LAMB4: variants seen among roughly 807,000 people sequenced by gnomAD.
LAMB4 encodes the protein laminin subunit beta-4.
A neutral mutation model predicts 199.2 loss-of-function variants in LAMB4; 196 were observed. The observed-to-expected ratio is 0.98, with a 90% CI of 0.88 to 1.11. LAMB4 has a LOEUF of 1.11. LAMB4 is among the 50% of genes least tolerant of loss of function. The pLI, the probability that LAMB4 is intolerant of heterozygous loss-of-function variation, is 0.00. For missense variants in LAMB4, 2,080 were observed against 2,171.2 expected (o/e 0.96, Z 0.83); for synonymous variants, 744 against 770.6 (o/e 0.97, Z 0.57).
At chr7:108,072,903 G>C (rs77978391) in intron 17 of LAMB4, among the ~76,000 whole-genome samples, 1 of 152,214 alleles carries the variant, frequency 6.6e-6, no homozygotes, top group Non-Finnish European at 1.5e-5. Context: ...TTGGGGATGA[G>C]GGCAGCCAAC....
intron 14 of LAMB4, among the ~76,000 whole-genome samples, chr7:108,086,759 T>C (rs73197603): frequency 0.028 from 4,211 of 152,268 alleles, 137 homozygotes; most frequent in East Asian, 0.14. Context: ...AAGCAAGGTT[T>C]CTCAGAGTGC....
At chr7:108,013,912 G>A in the LAMB4 span, among the ~76,000 whole-genome samples, 1 of 152,154 alleles carries the variant, frequency 6.6e-6, no homozygotes, top group African/African-American at 2.4e-5. Context: ...AAAAGGGTAT[G>A]TGTGGTTGTA....
chr7:108,040,728 C>T (rs535847144), intron 29 of LAMB4, among the ~76,000 whole-genome samples: 1 of 152,222 alleles, frequency 6.6e-6, no homozygotes, highest in South Asian at 2.1e-4. Flanking sequence ...TGAAACTGGA[C>T]CCCCTCCTTA....
At chr7:108,023,213 A>C (rs1262550321), downstream of LAMB4, among the ~76,000 whole-genome samples, 1 of 152,240 alleles carries the variant, frequency 6.6e-6, no homozygotes, top group East Asian at 1.9e-4. Context: ...TTATTCAAAA[A>C]TGTGAAACCA....
intron 29 of LAMB4, among the ~76,000 whole-genome samples, chr7:108,039,760 T>C (rs950409405): frequency 3.3e-5 from 5 of 152,168 alleles, no homozygotes; most frequent in African/African-American, 1.2e-4. Context: ...TGAGCCTCCA[T>C]GCCCGGCCAG....
chr7:108,113,352 G>T (rs2038298100), intron 3 of LAMB4, among the ~76,000 whole-genome samples: 1 of 152,288 alleles, frequency 6.6e-6, no homozygotes, highest in East Asian at 1.9e-4. Context: ...GTACATAGTA[G>T]ATGTTCAGTA....
chr7:108,040,275 G>A (rs1202409037), intron 29 of LAMB4, among the ~76,000 whole-genome samples: 1 of 151,976 alleles, frequency 6.6e-6, no homozygotes, highest in Non-Finnish European at 1.5e-5. Context: ...TCAAACAAAT[G>A]GAAAAAGATT....
intron 2 of LAMB4, among the ~76,000 whole-genome samples, chr7:108,120,947 A>G (rs1017514393): frequency 6.6e-6 from 1 of 152,224 alleles, no homozygotes; most frequent in Non-Finnish European, 1.5e-5. Flanking sequence ...CTGTAACATT[A>G]TAAGTGCAAA....
chr7:108,106,612 G>A, intron 6 of LAMB4, 40 bp from the exon 7 acceptor site: 1 of 1,116,658 alleles, frequency 9.0e-7, no homozygotes, highest in Non-Finnish European at 1.3e-6. Flanking sequence ...TATATTACCT[G>A]AAAACGTAAT....
Position 108,048,087 on chromosome 7 carries a change from G to T in LAMB4, c.4147C>A (p.Pro1383Thr). The T allele has an allele frequency of 6.2e-7, 1 of 1,612,874 alleles. No homozygotes were observed. ...EKVCGDPGNV[P>T]CVPLPCGGAL... Reference sequence around the variant, plus strand: ...CCGCCACAGGGCAAGGGCACACATGGCACATTTCCTGGATCTCCGCACACC... The same window carrying T: ...CCGCCACAGGGCAAGGGCACACATGTCACATTTCCTGGATCTCCGCACACC... The change falls in exon 28 of 34, where the codon CCA becomes ACA. Residue 1383 changes from proline (P) to threonine (T), a missense_variant. Physicochemically the swap from Pro to Thr is conservative, Grantham distance 38. Transcript: ENST00000388781.
the LAMB4 span, among the ~76,000 whole-genome samples, chr7:108,016,839 A>C: frequency 0.017 from 2,608 of 152,328 alleles, 30 homozygotes; most frequent in South Asian, 0.033. Flanking sequence ...TAACAGTACT[A>C]AAGATTAGAT....
chr7:108,110,259 G>C (rs1461458435), intron 4 of LAMB4, among the ~76,000 whole-genome samples: 1 of 152,110 alleles, frequency 6.6e-6, no homozygotes, highest in Non-Finnish European at 1.5e-5. Flanking sequence ...AAACTCCTGA[G>C]CTCAAGTGAT....
chr7:108,125,534 T>C (rs1389596450), intron 1 of LAMB4, among the ~76,000 whole-genome samples: 1 of 152,212 alleles, frequency 6.6e-6, no homozygotes, highest in East Asian at 1.9e-4. Context: ...CTTGTAATGA[T>C]CTAGGCTCTG....
intron 2 of LAMB4, among the ~76,000 whole-genome samples, chr7:108,119,448 A>G (rs1279635741): frequency 6.6e-6 from 1 of 152,218 alleles, no homozygotes; most frequent in Non-Finnish European, 1.5e-5. Context: ...TAGCAAAAAA[A>G]AGTAGTGAAC....
chr7:108,035,665 C>A (rs1187156938), intron 30 of LAMB4, among the ~76,000 whole-genome samples: 9 of 148,278 alleles, frequency 6.1e-5, no homozygotes, highest in Admixed American at 1.3e-4. Flanking sequence ...AGTAATCTTG[C>A]CATCTTTTAA....
rs1489420677 is a variant in LAMB4, at chr7:108,119,639, T to C, written c.35-3478A>G. On this transcript the variant is annotated intron_variant, in intron 2 of 33. Coordinates refer to ENST00000388781, the MANE Select transcript of LAMB4 (RefSeq NM_007356.3). ...AGGGGGAGGGAGGTGGATGTGGCTA[T>C]AAAAGGGTAGTACTAGGGATCCTTG... Among the ~76,000 whole-genome samples, 3 of 152,134 alleles carry C rather than the reference T, an allele frequency of 2.0e-5. No homozygotes were observed. In the East Asian group the frequency reaches 5.8e-4, roughly 29 times the overall value.
At chr7:108,016,249 AT>A in the LAMB4 span, among the ~76,000 whole-genome samples, 21 of 140,630 alleles carry the variant, frequency 1.5e-4, no homozygotes, top group African/African-American at 5.6e-4. Context: ...GGACGAGGGA[AT>A]TTTTCAAATC....
At position 108,095,307 on chromosome 7, in the gene LAMB4, G is replaced by T; in HGVS notation, c.1391C>A (p.Pro464Gln). 6.2e-7 allele frequency: 1 copy of T among 1,613,910 alleles called. No homozygotes were observed. The highest frequency in any genetic ancestry group is 8.5e-7 in the Non-Finnish European group (1 of 1,179,932). ...TGTATCCACATCACAGGTCAAGAATGGCAGACTCCCAAGGGGGTTACAGTC... is the reference window on the plus strand; with the variant it reads ...TGTATCCACATCACAGGTCAAGAATTGCAGACTCCCAAGGGGGTTACAGTC... ...PCDCNPLGSL[P>Q]FLTCDVDTGQ... Residue 464 changes from proline (P) to glutamine (Q), a missense_variant, in exon 12 of 34, where the codon CCA (proline) becomes CAA (glutamine). Coordinates refer to ENST00000388781, the MANE Select transcript of LAMB4 (RefSeq NM_007356.3).
chr7:108,109,806 T>G (rs1392405382), intron 4 of LAMB4, among the ~76,000 whole-genome samples: 1 of 152,050 alleles, frequency 6.6e-6, no homozygotes, highest in Admixed American at 6.5e-5. Context: ...CTAGTTATGA[T>G]CCATCTCTAG....
Sources: allele counts gnomAD v4.1 joint callset (sites outside exome capture counted in the v4.1 genomes callset), GRCh38; gene constraint gnomAD v4.1.1; transcripts MANE v1.5; gene names NCBI Gene and HGNC (gene_info 2026-07-23, HGNC 2026-07-21).